SEMA3A: variants seen among roughly 807,000 people sequenced by gnomAD.
SEMA3A encodes the protein semaphorin 3A.
In SEMA3A, 29 loss-of-function variants were observed where a neutral mutation model predicts 97.9. That is an observed-to-expected ratio of 0.30 (90% CI 0.22 to 0.40). The LOEUF is 0.40. Among genes scored for constraint, SEMA3A ranks in the 10% least tolerant of loss-of-function variants. The pLI, the probability that SEMA3A is intolerant of heterozygous loss-of-function variation, is 1.00. For synonymous variants in SEMA3A, 321 were observed against 323.7 expected, an observed-to-expected ratio of 0.99 and a Z score of 0.09; for missense variants, 763 against 951.3, an observed-to-expected ratio of 0.80 and a Z score of 2.60.
At chr7:84,418,850 C>T (rs990746135) in intron 1 of SEMA3A, among the ~76,000 whole-genome samples, 4 of 151,876 alleles carry the variant, frequency 2.6e-5, no homozygotes, top group Non-Finnish European at 5.9e-5. Flanking sequence ...GGGACATAGC[C>T]TTGTAACTGT....
intron 6 of SEMA3A, among the ~76,000 whole-genome samples, chr7:84,045,624 T>C (rs561168916): frequency 1.2e-4 from 18 of 152,010 alleles, no homozygotes; most frequent in African/African-American, 4.3e-4. Flanking sequence ...CATTTTCTGC[T>C]ATGCCAAAAT....
chr7:84,450,426 C>A (rs765634955), intron 1 of SEMA3A, among the ~76,000 whole-genome samples: 3 of 152,166 alleles, frequency 2.0e-5, no homozygotes, highest in Non-Finnish European at 4.4e-5. Flanking sequence ...CCTCCCAGAA[C>A]AGGACCTTCT....
intron 4 of SEMA3A, 60 bp downstream of exon 4, chr7:84,110,410 G>T (rs963814270): frequency 9.5e-6 from 15 of 1,582,234 alleles, no homozygotes; most frequent in Admixed American, 1.7e-5. Flanking sequence ...AATTAGTAAT[G>T]AAGCATTTTG....
At chr7:84,193,785 TAC>T (rs1798123936) in intron 1 of SEMA3A, among the ~76,000 whole-genome samples, 1 of 152,164 alleles carries the variant, frequency 6.6e-6, no homozygotes. Context: ...AAGAGAAGTT[TAC>T]ACAACTACCT....
rs374578075 is a variant in SEMA3A, at chr7:84,385,454, C to G, written c.-245-13554G>C. The stretch of plus-strand genomic sequence containing the variant: ...TGGAAACTTTTAAATCTGTAACAAT[C>G]TTTTGTTAATGTGTGATCCAAACTC... On this transcript the variant is annotated intron_variant, in intron 1 of 3. Coordinates refer to the SEMA3A transcript ENST00000424555. Among the ~76,000 whole-genome samples, 10 of 152,284 alleles carry G rather than the reference C, an allele frequency of 6.6e-5. 2 individuals are homozygous for G. The highest frequency in any genetic ancestry group is 6.5e-5 in the Admixed American group (1 of 15,284).
At chr7:84,004,319 C>A (rs1233272682) in intron 11 of SEMA3A, among the ~76,000 whole-genome samples, 2 of 151,690 alleles carry the variant, frequency 1.3e-5, no homozygotes, top group Non-Finnish European at 2.9e-5. Context: ...TGAAAATATA[C>A]CTGAAAAAGT....
At chr7:83,993,849 C>G (rs987100715) in intron 12 of SEMA3A, among the ~76,000 whole-genome samples, 3 of 134,172 alleles carry the variant, frequency 2.2e-5, no homozygotes, top group Non-Finnish European at 3.2e-5. Flanking sequence ...TTTCCTGAAT[C>G]TGAACGTTGG....
At chr7:84,421,927 T>C (rs1804606646) in intron 1 of SEMA3A, among the ~76,000 whole-genome samples, 1 of 152,140 alleles carries the variant, frequency 6.6e-6, no homozygotes, top group African/African-American at 2.4e-5. Context: ...GCCAGTATTT[T>C]ATTGAGGATT....
chr7:83,999,027 G>C (rs1790331441), intron 12 of SEMA3A, among the ~76,000 whole-genome samples: 1 of 152,076 alleles, frequency 6.6e-6, no homozygotes. Flanking sequence ...TCTGCCAGAG[G>C]ATGTTTTATA....
rs925928276 is a variant in SEMA3A, at chr7:83,960,303, T to C, written c.*1068A>G. On this transcript the variant is annotated 3_prime_UTR_variant, in exon 17 of 17. Transcript: ENST00000265362. ...CTTATTATTTTCATGAAATATGCAG[T>C]TCCTTTTCCCTTCATTGATTCATTA... 2 of 152,128 alleles carry C rather than the reference T, an allele frequency of 1.3e-5. No individual in the cohort carries two copies. The highest frequency in any genetic ancestry group is 4.8e-5 in the African/African-American group (2 of 41,456). 9.4% of individuals were successfully genotyped at this position (152,128 alleles called of 1,614,324 possible).
At chr7:84,158,330 T>C (rs1796917866) in intron 1 of SEMA3A, among the ~76,000 whole-genome samples, 1 of 151,838 alleles carries the variant, frequency 6.6e-6, no homozygotes, top group South Asian at 2.1e-4. Context: ...AATTTTTGTA[T>C]TGTTAATAGT....
In SEMA3A at chr7:83,960,161, G is replaced by T. The variant is rs1219780659; in HGVS notation, c.*1210C>A. ...GATCTCTCTCTTTTAAAAAAATTAA[G>T]TGACACAGATATAATTCTTGGTAGA... is the stretch of plus-strand genomic sequence containing the variant. On this transcript the variant is annotated 3_prime_UTR_variant, in exon 17 of 17. Transcript: ENST00000265362. The T allele has an allele frequency of 6.6e-5, 10 of 152,110 alleles. No homozygotes were observed. The highest frequency in any genetic ancestry group is 2.6e-4 in the Admixed American group (4 of 15,262). The allele number at this position is 152,110 out of a possible 1,614,324, so 9.4% of individuals were successfully genotyped here. A position where few individuals can be genotyped will look rare whatever the true frequency, so the allele number is the denominator to read the frequency against.
In SEMA3A at chr7:83,958,977, C is replaced by G. The variant is rs978867062; in HGVS notation, c.*2394G>C. ...AATTCTTTTTCGTGCAAACTGCCCC[C>G]TCTCAATACACATGGGCAGAGATTA... On this transcript the variant is annotated 3_prime_UTR_variant, in exon 17 of 17. Transcript: ENST00000265362. 12 of 152,048 alleles carry G rather than the reference C, an allele frequency of 7.9e-5. No individual in the cohort carries two copies. The highest frequency in any genetic ancestry group is 2.9e-4 in the African/African-American group (12 of 41,452). 9.4% of individuals were successfully genotyped at this position (152,048 alleles called of 1,614,324 possible).
chr7:84,304,447 G>T (rs1801102707), intron 3 of SEMA3A, among the ~76,000 whole-genome samples: 1 of 151,748 alleles, frequency 6.6e-6, no homozygotes, highest in East Asian at 1.9e-4. Context: ...ATCTTGAAAA[G>T]AAAAATAAGA....
At chr7:84,040,352 C>G (rs948719859) in intron 6 of SEMA3A, among the ~76,000 whole-genome samples, 1 of 151,980 alleles carries the variant, frequency 6.6e-6, no homozygotes, top group East Asian at 2.0e-4. Flanking sequence ...GCTCTAGGCT[C>G]ATCACACTTA....
At chr7:84,238,719 ATT>A (rs60410629) in intron 3 of SEMA3A, among the ~76,000 whole-genome samples, 4 of 146,832 alleles carry the variant, frequency 2.7e-5, no homozygotes, top group Admixed American at 6.8e-5. Context: ...AACTACAATA[ATT>A]TTTTTTTTTT....
At chr7:84,231,015 G>A (rs1799104991) in intron 3 of SEMA3A, among the ~76,000 whole-genome samples, 1 of 151,764 alleles carries the variant, frequency 6.6e-6, no homozygotes, top group African/African-American at 2.4e-5. Flanking sequence ...GGGCTGTAAC[G>A]CTATACTACT....
chr7:84,294,246 A>T (rs1404093950), intron 3 of SEMA3A, among the ~76,000 whole-genome samples: 1 of 152,018 alleles, frequency 6.6e-6, no homozygotes, highest in African/African-American at 2.4e-5. Context: ...TTTACAAGCC[A>T]TGAGCGTGCC....
At chr7:84,080,243 C>A (rs1794106784) in intron 4 of SEMA3A, among the ~76,000 whole-genome samples, 1 of 147,364 alleles carries the variant, frequency 6.8e-6, no homozygotes, top group Non-Finnish European at 1.5e-5. Flanking sequence ...AGGAGATATC[C>A]CTAATGCTGA....
Sources: gnomAD v4.1 joint callset for allele counts (sites outside exome capture counted in the v4.1 genomes callset) on GRCh38, gnomAD v4.1.1 for gene constraint, MANE v1.5 for transcripts, NCBI Gene and HGNC (gene_info 2026-07-23, HGNC 2026-07-21) for gene names.